Variants in ARID1B observed in about 807,000 individuals in gnomAD.
ARID1B encodes the protein AT-rich interaction domain 1B.
In ARID1B, 30 loss-of-function variants were observed where a neutral mutation model predicts 212.3. The observed-to-expected ratio is 0.14, with a 90% CI of 0.11 to 0.19. The LOEUF (loss-of-function observed/expected upper bound fraction) is 0.19, where lower values mean the gene tolerates loss of function less well. ARID1B is among the 10% of genes least tolerant of loss of function. ARID1B has a pLI of 1.00. For synonymous variants in ARID1B, 1,402 were observed against 1,301.7 expected, an observed-to-expected ratio of 1.08 and a Z score of -1.66; for missense variants, 2,891 against 3,204.0, an observed-to-expected ratio of 0.90 and a Z score of 2.36.
At chr6:156,928,580 A>G (rs1791435512) in intron 3 of ARID1B, among the ~76,000 whole-genome samples, 1 of 152,150 alleles carries the variant, frequency 6.6e-6, no homozygotes, top group South Asian at 2.1e-4. Flanking sequence ...TTTGGGAATC[A>G]CCACCAAGCA....
intron 3 of ARID1B, among the ~76,000 whole-genome samples, chr6:156,921,466 C>T (rs867887661): frequency 1.9e-3 from 289 of 150,188 alleles, no homozygotes; most frequent in Middle Eastern, 6.9e-3. Context: ...CACACACACA[C>T]ACACACACAC....
At chr6:157,047,820 G>C (rs1178017603) in intron 4 of ARID1B, among the ~76,000 whole-genome samples, 10 of 152,134 alleles carry the variant, frequency 6.6e-5, no homozygotes. Context: ...TAATAAAAAT[G>C]CATATATTCT....
At chr6:157,018,032 T>C (rs888027761) in intron 4 of ARID1B, among the ~76,000 whole-genome samples, 8 of 149,198 alleles carry the variant, frequency 5.4e-5, no homozygotes, top group African/African-American at 2.0e-4. Context: ...CTCAAGGGGC[T>C]AAGGTGGGAG....
At chr6:156,952,973 C>T (rs947785244) in intron 4 of ARID1B, among the ~76,000 whole-genome samples, 8 of 152,278 alleles carry the variant, frequency 5.3e-5, no homozygotes, top group Admixed American at 4.6e-4. Context: ...TTCATTACCT[C>T]TGGGAAAATT....
chr6:156,814,148 G>T (rs1353226695), intron 1 of ARID1B, among the ~76,000 whole-genome samples: 2 of 152,176 alleles, frequency 1.3e-5, no homozygotes, highest in African/African-American at 4.8e-5. Context: ...TGGAGTGGTG[G>T]CTCACGTCTG....
At chr6:156,908,932 G>T (rs1339341355) in intron 3 of ARID1B, among the ~76,000 whole-genome samples, 3 of 151,950 alleles carry the variant, frequency 2.0e-5, no homozygotes, top group African/African-American at 7.2e-5. Flanking sequence ...ATGACATAAT[G>T]AGCACTCCTA....
At chr6:156,910,058 A>T (rs1403841750) in intron 3 of ARID1B, among the ~76,000 whole-genome samples, 2 of 152,166 alleles carry the variant, frequency 1.3e-5, no homozygotes, top group Non-Finnish European at 2.9e-5. Context: ...GTTACCCGTC[A>T]TTTCTGACTG....
At chr6:156,780,333 T>C (rs1282085530) in intron 1 of ARID1B, 1 of 152,206 alleles carries the variant, frequency 6.6e-6, no homozygotes, top group Non-Finnish European at 1.5e-5. Flanking sequence ...AAAATTGATC[T>C]TTTGGGATCG....
intron 2 of ARID1B, among the ~76,000 whole-genome samples, chr6:156,834,956 C>T (rs759142618): frequency 5.3e-5 from 8 of 152,040 alleles, no homozygotes; most frequent in African/African-American, 7.2e-5. Flanking sequence ...ATTTTTGGGC[C>T]GGGCGCGGTG....
chr6:157,174,382 G>T (rs753850630), intron 10 of ARID1B: 30 of 337,766 alleles, frequency 8.9e-5, no homozygotes, highest in Non-Finnish European at 1.4e-4. Context: ...AAATGCTTCG[G>T]GGTGGGGAGA....
intron 19 of ARID1B, chr6:157,204,740 G>A (rs867176742): frequency 3.9e-5 from 6 of 152,212 alleles, no homozygotes; most frequent in Middle Eastern, 3.4e-3. Flanking sequence ...GAAAATGCCC[G>A]AGTCCACTGG....
intron 2 of ARID1B, among the ~76,000 whole-genome samples, chr6:156,831,836 T>C (rs1162256823): frequency 6.6e-6 from 1 of 152,226 alleles, no homozygotes; most frequent in Non-Finnish European, 1.5e-5. Context: ...CCAATTCTAA[T>C]TAAGCACAGA....
At chr6:156,959,477 C>T (rs922728562) in intron 4 of ARID1B, among the ~76,000 whole-genome samples, 3 of 152,136 alleles carry the variant, frequency 2.0e-5, no homozygotes, top group African/African-American at 7.2e-5. Flanking sequence ...ACACAGAACC[C>T]ATGGGTAGGG....
intron 2 of ARID1B, among the ~76,000 whole-genome samples, chr6:156,877,819 C>T (rs945908051): frequency 6.6e-6 from 1 of 151,866 alleles, no homozygotes; most frequent in Non-Finnish European, 1.5e-5. Context: ...AAGCACTTCT[C>T]GTGCCCCAGC....
chr6:157,045,718 T>A (rs1277275581), intron 4 of ARID1B, among the ~76,000 whole-genome samples: 1 of 152,254 alleles, frequency 6.6e-6, no homozygotes, highest in Non-Finnish European at 1.5e-5. Flanking sequence ...TTACTTTTCA[T>A]AATATGAAAG....
intron 4 of ARID1B, among the ~76,000 whole-genome samples, chr6:156,978,585 G>A (rs567458912): frequency 9.9e-5 from 15 of 152,112 alleles, no homozygotes; most frequent in Non-Finnish European, 1.3e-4. Context: ...TCATCACCAT[G>A]AAAACCTTTG....
intron 4 of ARID1B, among the ~76,000 whole-genome samples, chr6:156,987,651 A>G (rs1348609910): frequency 1.3e-5 from 2 of 151,952 alleles, no homozygotes; most frequent in Non-Finnish European, 2.9e-5. Flanking sequence ...TTGTGCCTGT[A>G]TTTTCTGCTT....
chr6:156,784,162 GCC>G (rs1240487136), intron 1 of ARID1B, among the ~76,000 whole-genome samples: 1 of 151,906 alleles, frequency 6.6e-6, no homozygotes, highest in East Asian at 1.9e-4. Flanking sequence ...TTGGTTGCAT[GCC>G]TTTTCGGAGG....
In ARID1B at chr6:157,206,856, T is replaced by A. The variant is rs1562352840; in HGVS notation, c.6084T>A (p.Phe2028Leu). 6.2e-7 allele frequency: 1 copy of A among 1,614,064 alleles called. No individual in the cohort carries two copies. The highest frequency in any genetic ancestry group is 1.3e-5 in the African/African-American group (1 of 75,000). ...AGACCGAAAGCAGTAAGTTTCCCTTTGGTATCCAGCAAGCCAAAAGTCACC... is the reference window on the plus strand; with the variant it reads ...AGACCGAAAGCAGTAAGTTTCCCTTAGGTATCCAGCAAGCCAAAAGTCACC... ...GPQTESSKFP[F>L]GIQQAKSHRN... The change falls in exon 20 of 20, where the codon TTT becomes TTA. Residue 2028 changes from phenylalanine (F) to leucine (L), a missense_variant. By Grantham distance (22) the Phe-to-Leu change is conservative. Around this residue, in one of 7 missense-constraint regions of ARID1B, gnomAD observed 332 missense variants for 369.2 expected, o/e 0.90. Coordinates refer to ENST00000636930, the MANE Select transcript of ARID1B (RefSeq NM_001374828.1). This position sits in a 1 kb window ranked among gnomAD's most constrained non-coding sequence, Gnocchi z 6.8.
Sources: gnomAD v4.1 joint callset for allele counts (sites outside exome capture counted in the v4.1 genomes callset) on GRCh38, gnomAD v4.1.1 for gene constraint, gnomAD v4.1.1 regional missense constraint, Gnocchi (gnomAD v3.1) non-coding constraint, MANE v1.5 for transcripts, NCBI Gene and HGNC (gene_info 2026-07-23, HGNC 2026-07-21) for gene names.